TSPO: variants seen among roughly 807,000 people sequenced by gnomAD.
The protein encoded by TSPO is translocator protein.
In TSPO, 14 loss-of-function variants were observed where a neutral mutation model predicts 13.9. The ratio of observed to expected loss-of-function variants is 1.01; its 90% confidence interval spans 0.67 to 1.58. The LOEUF (loss-of-function observed/expected upper bound fraction) is 1.58. Ranked by LOEUF, TSPO falls within the 40% of genes most tolerant of loss-of-function variation. The pLI, the probability that TSPO is intolerant of heterozygous loss-of-function variation, is 0.00. For synonymous variants in TSPO, 114 were observed against 105.9 expected (o/e 1.08, Z -0.47); for missense variants, 232 against 229.6 (o/e 1.01, Z -0.07).
At chr22:43,159,124 C>A (rs1601757511) in intron 1 of TSPO, 86 bp from the exon 2 acceptor site, 1 of 1,093,972 alleles carries the variant, frequency 9.1e-7, no homozygotes, top group Non-Finnish European at 1.2e-6. Context: ...CTGTGGGTGA[C>A]AGGCCTTTCG....
intron 1 of TSPO, among the ~76,000 whole-genome samples, chr22:43,157,567 C>T (rs997296172): frequency 1.3e-5 from 2 of 152,152 alleles, no homozygotes; most frequent in African/African-American, 4.8e-5. Flanking sequence ...CGGTGGCTCA[C>T]GCCTGTAATC....
intron 1 of TSPO, among the ~76,000 whole-genome samples, chr22:43,155,965 C>T (rs1931237772): frequency 6.6e-6 from 1 of 152,192 alleles, no homozygotes; most frequent in African/African-American, 2.4e-5. Flanking sequence ...CCCACCTGTT[C>T]CCCATTTGGG....
At chr22:43,152,495 G>A (rs1323244041) in intron 1 of TSPO, among the ~76,000 whole-genome samples, 1 of 152,272 alleles carries the variant, frequency 6.6e-6, no homozygotes, top group African/African-American at 2.4e-5. Flanking sequence ...GCCCATGAAG[G>A]CCTACTGCCA....
intron 2 of TSPO, chr22:43,159,661 C>A: frequency 2.3e-6 from 1 of 434,172 alleles, no homozygotes; most frequent in Non-Finnish European, 4.0e-6. Context: ...GCCATGTTCA[C>A]AGCTCCAGGC....
chr22:43,152,149 T>G (rs138908), intron 1 of TSPO: 67,674 of 152,170 alleles, frequency 0.44, 16,334 homozygotes, highest in African/African-American at 0.6. Context: ...CCTAGACGGG[T>G]CTTACTGTGA....
intron 2 of TSPO, 78 bp from the exon 3 acceptor site, chr22:43,160,974 A>G: frequency 6.6e-7 from 1 of 1,524,446 alleles, no homozygotes; most frequent in Non-Finnish European, 8.9e-7. Flanking sequence ...CGTATGAACC[A>G]TCACTGTGCC....
intron 2 of TSPO, 113 bp downstream of exon 2, chr22:43,159,533 A>G: frequency 8.5e-7 from 1 of 1,176,338 alleles, no homozygotes; most frequent in Non-Finnish European, 1.1e-6. Context: ...TGGTTTCCCC[A>G]GCCCCATTTG....
chr22:43,159,209 G>T lies in TSPO; in HGVS notation c.-29-1G>T. On this transcript the variant is annotated splice_acceptor_variant, in intron 1 of 3. Transcript: ENST00000337554. LOFTEE classifies it low-confidence loss of function (5UTR_SPLICE). The stretch of plus-strand genomic sequence containing the variant: ...TCACCCAGCCCTGTCTTCTCTTTCA[G>T]AGCTCCCCTGAACAGCAGCTGCAGC... 6.7e-7 allele frequency: 1 copy of T among 1,502,632 alleles called. No homozygotes were observed. The highest frequency in any genetic ancestry group is 8.9e-7 in the Non-Finnish European group (1 of 1,121,204). The allele number at this position is 1,502,632 out of a possible 1,614,324, so 93.1% of individuals were successfully genotyped here.
intron 3 of TSPO, 42 bp downstream of exon 3, chr22:43,161,232 AC>A: frequency 2.5e-6 from 4 of 1,585,096 alleles, no homozygotes; most frequent in Non-Finnish European, 3.4e-6. Flanking sequence ...CCTGGATCCG[AC>A]CCTTGGAGGA....
Position 43,159,326 on chromosome 22 carries a change from G to A in TSPO, c.88G>A (p.Gly30Ser), listed in dbSNP as rs1434745798. 1.3e-6 allele frequency: 2 copies of A among 1,548,908 alleles called. No homozygotes were observed. The change falls in exon 2 of 4, where the codon GGT becomes AGT. Residue 30 changes from glycine to serine, a missense_variant. Coordinates refer to ENST00000337554, the MANE Select transcript of TSPO (RefSeq NM_000714.6). Reference protein sequence around the residue: ...FVGSRFVHGEGLRWYAGLQKP... With the variant: ...FVGSRFVHGESLRWYAGLQKP... ...GGGCTCCCGCTTTGTCCACGGCGAG[G>A]GTCTCCGCTGGTACGCCGGCCTGCA...
At position 43,163,130 on chromosome 22, in the gene TSPO, TGGCCCCACC is replaced by T. The variant is rs1931509981; in HGVS notation, c.*140_*148del. 2.5e-5 allele frequency: 37 copies of T among 1,482,994 alleles called. No homozygotes were observed. The highest frequency in any genetic ancestry group is 6.9e-5 in the Admixed American group (3 of 43,786). 91.9% of individuals were successfully genotyped at this position (1,482,994 alleles called of 1,614,324 possible). A position where few individuals can be genotyped will look rare whatever the true frequency, so the allele number is the denominator to read the frequency against. ...CCAGGGGTCAGCAGAGCTTCAGAGG[TGGCCCCACC>T]TGAGCCCCCACCCGGGAGCAGTGTC... On this transcript the variant is annotated 3_prime_UTR_variant, in exon 4 of 4. Transcript: ENST00000337554.
intron 1 of TSPO, among the ~76,000 whole-genome samples, chr22:43,157,854 A>G (rs1174444415): frequency 6.6e-6 from 1 of 152,190 alleles, no homozygotes; most frequent in Admixed American, 6.5e-5. Context: ...GCGCATATCT[A>G]TGTTATCCAT....
intron 1 of TSPO, among the ~76,000 whole-genome samples, chr22:43,157,827 ACT>A (rs768239360): frequency 2.6e-5 from 4 of 152,032 alleles, no homozygotes; most frequent in Admixed American, 2.0e-4. Flanking sequence ...ACAGAGCAAG[ACT>A]CTGTCTCAAA....
chr22:43,162,439 T>G (rs985272439), intron 3 of TSPO, among the ~76,000 whole-genome samples: 1 of 152,148 alleles, frequency 6.6e-6, no homozygotes, highest in East Asian at 1.9e-4. Flanking sequence ...AGTTTTTGTT[T>G]GGGCCTTGTA....
intron 1 of TSPO, among the ~76,000 whole-genome samples, chr22:43,154,277 G>C (rs1020439737): frequency 6.6e-6 from 1 of 152,172 alleles, no homozygotes; most frequent in Non-Finnish European, 1.5e-5. Flanking sequence ...GGGTGCAGCT[G>C]GGGGTCGGGG....
chr22:43,160,662 T>C (rs1931406516), intron 2 of TSPO, among the ~76,000 whole-genome samples: 2 of 152,166 alleles, frequency 1.3e-5, no homozygotes, highest in South Asian at 4.1e-4. Flanking sequence ...TTGCATGTCC[T>C]GTTTCCTCCC....
At chr22:43,154,144 G>A (rs1931178643) in intron 1 of TSPO, among the ~76,000 whole-genome samples, 1 of 152,102 alleles carries the variant, frequency 6.6e-6, no homozygotes, top group East Asian at 1.9e-4. Flanking sequence ...GGTTACTTTT[G>A]TAATGAAAAA....
At chr22:43,153,399 C>A (rs1226503776) in intron 1 of TSPO, among the ~76,000 whole-genome samples, 1 of 59,166 alleles carries the variant, frequency 1.7e-5, no homozygotes, top group African/African-American at 5.4e-5. Flanking sequence ...GGCCGGACTG[C>A]GGACTGCAGT....
chr22:43,162,985 AGAGT>A lies in TSPO; in HGVS notation c.510_*3del. ...GCTGGCGTGGGGGACGGCGGCTGCC[AGAGT>A]GAGTGCCCGGCCCACCAGGGACTGC... On this transcript the variant is annotated frameshift_variant and stop_lost, in exon 4 of 4. Transcript: ENST00000337554. LOFTEE classifies it high-confidence loss of function. 1 of 1,582,354 alleles carries A rather than the reference AGAGT, an allele frequency of 6.3e-7. No homozygotes were observed. Among genetic ancestry groups the A allele is most frequent in the Non-Finnish European group, 8.6e-7 (1 of 1,165,134 alleles).
Sources: allele counts gnomAD v4.1 joint callset (sites outside exome capture counted in the v4.1 genomes callset), GRCh38; gene constraint gnomAD v4.1.1; transcripts MANE v1.5; gene names NCBI Gene and HGNC (gene_info 2026-07-23, HGNC 2026-07-21).